DNAH12: variants seen among roughly 807,000 people sequenced by gnomAD.
DNAH12 encodes dynein axonemal heavy chain 12, also known as axonemal beta dynein heavy chain 12.
In DNAH12, 285 loss-of-function variants were observed where a neutral mutation model predicts 371.5. The observed-to-expected ratio is 0.77, with a 90% confidence interval of 0.70 to 0.85. The LOEUF (loss-of-function observed/expected upper bound fraction) is 0.85. Among genes scored for constraint, DNAH12 ranks in the 40% least tolerant of loss-of-function variants. The pLI, the probability that DNAH12 is intolerant of heterozygous loss-of-function variation, is 0.00. For missense variants in DNAH12, 3,611 were observed against 3,689.4 expected, an observed-to-expected ratio of 0.98 and a Z score of 0.55; for synonymous variants, 1,200 against 1,213.0, an observed-to-expected ratio of 0.99 and a Z score of 0.22.
chr3:57,362,010 C>T (rs2062947501), intron 58 of DNAH12, among the ~76,000 whole-genome samples: 1 of 151,784 alleles, frequency 6.6e-6, no homozygotes, highest in Admixed American at 6.6e-5. Flanking sequence ...CTATCCCTCC[C>T]CACTCCCCCC....
At chr3:57,519,990 G>T in intron 4 of DNAH12, 4 of 805,654 alleles carry the variant, frequency 5.0e-6, no homozygotes, top group Non-Finnish European at 8.5e-6. Context: ...AGGGTTCCTC[G>T]CCGTCTTCCA....
intron 62 of DNAH12, among the ~76,000 whole-genome samples, chr3:57,325,437 A>C (rs2061920093): frequency 6.6e-6 from 1 of 152,106 alleles, no homozygotes; most frequent in Non-Finnish European, 1.5e-5. Flanking sequence ...TTCTGCAAAC[A>C]CCTCTGCTGA....
chr3:57,347,982 C>T (rs139726017), intron 60 of DNAH12, among the ~76,000 whole-genome samples: 1 of 152,308 alleles, frequency 6.6e-6, no homozygotes, highest in East Asian at 1.9e-4. Context: ...ACTAAACATA[C>T]TCTTACCATA....
At chr3:57,441,674 C>G (rs962898218) in intron 29 of DNAH12, among the ~76,000 whole-genome samples, 1 of 151,974 alleles carries the variant, frequency 6.6e-6, no homozygotes, top group Non-Finnish European at 1.5e-5. Flanking sequence ...CGCCCATAAT[C>G]CCAGCTACTT....
At chr3:57,451,261 G>A (rs1400735332) in intron 25 of DNAH12, among the ~76,000 whole-genome samples, 2 of 152,204 alleles carry the variant, frequency 1.3e-5, no homozygotes, top group Non-Finnish European at 2.9e-5. Flanking sequence ...GGTACTTCTT[G>A]ATGCTCCTTC....
intron 66 of DNAH12, among the ~76,000 whole-genome samples, chr3:57,312,436 T>C (rs1455180943): frequency 3.9e-5 from 6 of 152,242 alleles, no homozygotes; most frequent in Non-Finnish European, 8.8e-5. Flanking sequence ...GACCAACAGC[T>C]CATTCTCTGG....
chr3:57,439,138 A>G (rs1575601446), intron 29 of DNAH12, among the ~76,000 whole-genome samples: 2 of 152,172 alleles, frequency 1.3e-5, no homozygotes, highest in South Asian at 4.1e-4. Flanking sequence ...GCTCAATGCA[A>G]TCTACGGATT....
At chr3:57,535,564 C>CA (rs1275697751) in intron 2 of DNAH12, among the ~76,000 whole-genome samples, 3 of 152,086 alleles carry the variant, frequency 2.0e-5, no homozygotes, top group Non-Finnish European at 4.4e-5. Flanking sequence ...ATTTTTAAGA[C>CA]AGAGTTTTGC....
At chr3:57,352,403 A>G (rs1377992383) in intron 59 of DNAH12, among the ~76,000 whole-genome samples, 178 bp from the exon 60 acceptor site, 2 of 152,188 alleles carry the variant, frequency 1.3e-5, no homozygotes, top group African/African-American at 2.4e-5. Context: ...GGTTGTAGCA[A>G]TGTCAGTTTC....
chr3:57,480,682 C>T (rs2153383158), intron 13 of DNAH12, among the ~76,000 whole-genome samples: 1 of 152,206 alleles, frequency 6.6e-6, no homozygotes, highest in Non-Finnish European at 1.5e-5. Flanking sequence ...AAAATACTGG[C>T]AAACTGAATC....
At chr3:57,469,955 AC>A (rs1386036935) in intron 16 of DNAH12, among the ~76,000 whole-genome samples, 1 of 152,100 alleles carries the variant, frequency 6.6e-6, no homozygotes, top group Non-Finnish European at 1.5e-5. Flanking sequence ...CACGAAACAA[AC>A]CTGCACATGT....
chr3:57,502,396 G>A lies in DNAH12; in HGVS notation c.1170C>T (p.His390=). 6.2e-7 allele frequency: 1 copy of A among 1,614,152 alleles called. No homozygotes were observed. The change falls in exon 10 of 74, where the codon CAC becomes CAT. Residue 390 remains histidine (H), a synonymous_variant. Coordinates refer to ENST00000495027, the MANE Select transcript of DNAH12 (RefSeq NM_001366028.2). ...CTGCCTTCAGTGTATCAACAGCCCA[G>A]TGTAACACGTGTTCAGGAAGTTCTG... is the stretch of plus-strand genomic sequence containing the variant. ...LDTELPEHVL[H]WAVDTLKAAV...
chr3:57,490,987 G>T (rs1394160228), intron 11 of DNAH12, among the ~76,000 whole-genome samples: 1 of 148,730 alleles, frequency 6.7e-6, no homozygotes, highest in Non-Finnish European at 1.5e-5. Flanking sequence ...TACTCAAGAG[G>T]CTGAGAATCG....
At chr3:57,427,645 G>A (rs531193639) in intron 34 of DNAH12, among the ~76,000 whole-genome samples, 3 of 152,016 alleles carry the variant, frequency 2.0e-5, no homozygotes, top group East Asian at 3.9e-4. Flanking sequence ...AACCAAGATC[G>A]CTCCACTGCG....
intron 60 of DNAH12, among the ~76,000 whole-genome samples, chr3:57,344,871 AGT>A (rs1191434737): frequency 9.2e-5 from 14 of 152,238 alleles, no homozygotes; most frequent in South Asian, 4.2e-4. Context: ...CTGTAGGATG[AGT>A]GTAGTTAACA....
intron 25 of DNAH12, among the ~76,000 whole-genome samples, chr3:57,451,281 G>A (rs1461715631): frequency 3.3e-5 from 5 of 152,292 alleles, no homozygotes; most frequent in Admixed American, 6.5e-5. Flanking sequence ...CTCAATTCCC[G>A]TAGGAAGGGT....
At chr3:57,459,189 C>T (rs1159692179) in intron 20 of DNAH12, among the ~76,000 whole-genome samples, 3 of 152,114 alleles carry the variant, frequency 2.0e-5, no homozygotes, top group Admixed American at 6.5e-5. Flanking sequence ...CCCATCACTC[C>T]GAGTACACAG....
At chr3:57,522,233 A>T (rs1455952241) in intron 4 of DNAH12, among the ~76,000 whole-genome samples, 2 of 151,898 alleles carry the variant, frequency 1.3e-5, no homozygotes, top group African/African-American at 4.8e-5. Context: ...CAAAAAAAAA[A>T]AATAAATAAA....
intron 13 of DNAH12, among the ~76,000 whole-genome samples, chr3:57,475,986 A>G (rs2153381822): frequency 6.6e-6 from 1 of 152,362 alleles, no homozygotes; most frequent in South Asian, 2.1e-4. Flanking sequence ...AGTAATATCA[A>G]AAGCAGAAAC....
Sources: gnomAD v4.1 joint callset for allele counts (sites outside exome capture counted in the v4.1 genomes callset) on GRCh38, gnomAD v4.1.1 for gene constraint, MANE v1.5 for transcripts, NCBI Gene and HGNC (gene_info 2026-07-23, HGNC 2026-07-21) for gene names.